The following LDLRAD3 variants were observed in gnomAD, a reference collection of about 807,000 sequenced individuals.
LDLRAD3 encodes the protein low density lipoprotein receptor class A domain containing 3, also known as low-density lipoprotein receptor class A domain-containing protein 3.
A neutral mutation model predicts 29.4 loss-of-function variants in LDLRAD3; 20 were observed. The observed-to-expected ratio is 0.68, with a 90% CI of 0.48 to 0.99. LDLRAD3 has a LOEUF of 0.99. Among genes scored for constraint, LDLRAD3 ranks in the 50% least tolerant of loss-of-function variants. LDLRAD3 has a pLI of 0.00. For synonymous variants in LDLRAD3, 157 were observed against 192.7 expected, an observed-to-expected ratio of 0.81 and a Z score of 1.53; for missense variants, 420 against 454.3, an observed-to-expected ratio of 0.92 and a Z score of 0.69.
chr11:36,217,812 T>C (rs1383600028), intron 4 of LDLRAD3, among the ~76,000 whole-genome samples: 1 of 152,208 alleles, frequency 6.6e-6, no homozygotes, highest in African/African-American at 2.4e-5. Flanking sequence ...GATTCCAGTT[T>C]CTGCCTTCAA....
chr11:36,136,227 G>A (rs1211822895), intron 4 of LDLRAD3, among the ~76,000 whole-genome samples: 1 of 152,188 alleles, frequency 6.6e-6, no homozygotes, highest in African/African-American at 2.4e-5. Context: ...AAGCCTGAGT[G>A]CCCACTGTGC....
intron 4 of LDLRAD3, among the ~76,000 whole-genome samples, chr11:36,190,481 C>T (rs936266625): frequency 2.6e-5 from 4 of 152,052 alleles, no homozygotes; most frequent in African/African-American, 4.8e-5. Flanking sequence ...GCCTGGGCAA[C>T]AGAGTGAGAC....
chr11:36,136,781 C>T (rs1351041045), intron 4 of LDLRAD3, among the ~76,000 whole-genome samples: 2 of 151,902 alleles, frequency 1.3e-5, no homozygotes, highest in Non-Finnish European at 2.9e-5. Flanking sequence ...ACCCCTGTCT[C>T]CTGAGTTCAA....
intron 4 of LDLRAD3, among the ~76,000 whole-genome samples, chr11:36,218,177 A>C (rs61881464): frequency 1.3e-5 from 2 of 152,146 alleles, no homozygotes; most frequent in Non-Finnish European, 2.9e-5. Flanking sequence ...GTAAATATGC[A>C]TGGTGGTGAT....
At chr11:36,205,965 C>T (rs1300574088) in intron 4 of LDLRAD3, among the ~76,000 whole-genome samples, 1 of 152,156 alleles carries the variant, frequency 6.6e-6, no homozygotes, top group African/African-American at 2.4e-5. Flanking sequence ...AGCGGTGTCT[C>T]CTTGTTGCTC....
chr11:36,209,884 G>A (rs750881776), intron 4 of LDLRAD3, among the ~76,000 whole-genome samples: 20 of 152,202 alleles, frequency 1.3e-4, no homozygotes, highest in Non-Finnish European at 1.9e-4. Flanking sequence ...ATATATGCCT[G>A]TACTATTCCT....
chr11:36,018,355 C>G (rs775077688), intron 1 of LDLRAD3, among the ~76,000 whole-genome samples: 1 of 152,096 alleles, frequency 6.6e-6, no homozygotes, highest in Admixed American at 6.5e-5. Context: ...TCCTCAAGCT[C>G]GATCCTGTTC....
chr11:35,955,704 A>G (rs184978284), intron 1 of LDLRAD3, among the ~76,000 whole-genome samples: 2 of 152,372 alleles, frequency 1.3e-5, no homozygotes, highest in African/African-American at 4.8e-5. Context: ...AGAATTAGGA[A>G]CATAATGAAA....
intron 1 of LDLRAD3, among the ~76,000 whole-genome samples, chr11:36,019,886 G>T (rs1433940867): frequency 6.6e-6 from 1 of 152,284 alleles, no homozygotes; most frequent in East Asian, 1.9e-4. Context: ...GAAACAGAGG[G>T]CTGACTCAGA....
intron 4 of LDLRAD3, among the ~76,000 whole-genome samples, chr11:36,223,017 T>G (rs964333319): frequency 7.2e-5 from 11 of 152,174 alleles, no homozygotes; most frequent in Admixed American, 7.2e-4. Context: ...AACTTCATTA[T>G]CCATGGATTA....
chr11:36,183,510 C>G (rs966597606), intron 4 of LDLRAD3, among the ~76,000 whole-genome samples: 2 of 152,182 alleles, frequency 1.3e-5, no homozygotes, highest in Admixed American at 1.3e-4. Context: ...GGGTGAAAAA[C>G]TTAGTCTAGT....
At chr11:35,962,061 A>G (rs1290673945) in intron 1 of LDLRAD3, among the ~76,000 whole-genome samples, 1 of 152,230 alleles carries the variant, frequency 6.6e-6, no homozygotes, top group East Asian at 1.9e-4. Context: ...ACTAGAAATT[A>G]GACTTTGGTG....
intron 1 of LDLRAD3, among the ~76,000 whole-genome samples, chr11:36,003,809 CA>C (rs1418981901): frequency 6.6e-6 from 1 of 152,120 alleles, no homozygotes; most frequent in Non-Finnish European, 1.5e-5. Flanking sequence ...TAACAGAAAG[CA>C]TGGCTGGGAG....
At chr11:36,226,968 A>T in intron 4 of LDLRAD3, 117 bp from the exon 5 acceptor site, 2 of 801,084 alleles carry the variant, frequency 2.5e-6, no homozygotes, top group Non-Finnish European at 4.0e-6. Flanking sequence ...CTTTTTGGCT[A>T]TTGTGAATAG....
chr11:36,138,937 C>A (rs1376340439), intron 4 of LDLRAD3, among the ~76,000 whole-genome samples: 5 of 152,200 alleles, frequency 3.3e-5, no homozygotes, highest in Non-Finnish European at 5.9e-5. Context: ...ACCTTGCCTA[C>A]CCTTTCTTCT....
chr11:36,190,072 G>C (rs377508829), intron 4 of LDLRAD3, among the ~76,000 whole-genome samples: 3 of 143,002 alleles, frequency 2.1e-5, no homozygotes, highest in Admixed American at 7.0e-5. Flanking sequence ...CTAGGGGGAG[G>C]GGGGAGGGGA....
At chr11:35,987,888 T>C (rs1250328453) in intron 1 of LDLRAD3, among the ~76,000 whole-genome samples, 2 of 152,244 alleles carry the variant, frequency 1.3e-5, no homozygotes, top group Non-Finnish European at 1.5e-5. Context: ...CCATCAACTG[T>C]GTATAAGCGT....
chr11:36,079,634 T>C (rs1340503228), intron 2 of LDLRAD3, among the ~76,000 whole-genome samples: 1 of 152,058 alleles, frequency 6.6e-6, no homozygotes, highest in African/African-American at 2.4e-5. Flanking sequence ...TACAAAAATA[T>C]GTTGCATGGG....
chr11:35,977,673 A>T (rs982944128), intron 1 of LDLRAD3, among the ~76,000 whole-genome samples: 1 of 152,196 alleles, frequency 6.6e-6, no homozygotes, highest in African/African-American at 2.4e-5. Context: ...TGGGTAATTT[A>T]TAGACAATAG....
Sources: gnomAD v4.1 joint callset for allele counts (sites outside exome capture counted in the v4.1 genomes callset) on GRCh38, gnomAD v4.1.1 for gene constraint, MANE v1.5 for transcripts, NCBI Gene and HGNC (gene_info 2026-07-23, HGNC 2026-07-21) for gene names.